DLC1: variants seen among roughly 807,000 people sequenced by gnomAD.
DLC1 encodes DLC1 Rho GTPase activating protein, also known as rho GTPase-activating protein 7.
In DLC1, 54 loss-of-function variants were observed where a neutral mutation model predicts 140.3. The observed-to-expected ratio is 0.38, with a 90% CI of 0.31 to 0.48. The LOEUF (loss-of-function observed/expected upper bound fraction) is 0.48, where lower values mean the gene tolerates loss of function less well. DLC1 is among the 20% of genes least tolerant of loss of function. The pLI is 0.96. For missense variants in DLC1, 2,536 were observed against 1,907.0 expected (o/e 1.33, Z -6.14); for synonymous variants, 986 against 728.1 (o/e 1.35, Z -5.70).
At chr8:13,169,406 C>T (rs1324977186) in intron 5 of DLC1, among the ~76,000 whole-genome samples, 1 of 152,060 alleles carries the variant, frequency 6.6e-6, no homozygotes, top group Non-Finnish European at 1.5e-5. Flanking sequence ...GGAAATAATT[C>T]CTATCTTGTA....
intron 1 of DLC1, among the ~76,000 whole-genome samples, chr8:13,597,470 G>A (rs62493215): frequency 0.17 from 25,206 of 151,800 alleles, 2,213 homozygotes; most frequent in African/African-American, 0.19. Context: ...ATACCATCTC[G>A]TTTCCTGAGC....
intron 1 of DLC1, among the ~76,000 whole-genome samples, chr8:13,510,171 C>CT (rs5889447): frequency 1.7e-4 from 23 of 133,052 alleles, no homozygotes; most frequent in African/African-American, 3.0e-4. Flanking sequence ...ATTCTTTATT[C>CT]TTTTTTTTTT....
At chr8:13,157,462 A>C (rs1221197155) in intron 5 of DLC1, among the ~76,000 whole-genome samples, 1 of 148,508 alleles carries the variant, frequency 6.7e-6, no homozygotes, top group Non-Finnish European at 1.5e-5. Context: ...GCAGGTGAGG[A>C]ACAAAAAAAG....
chr8:13,579,337 AT>A (rs1563453864), intron 1 of DLC1, among the ~76,000 whole-genome samples: 11 of 20,394 alleles, frequency 5.4e-4, no homozygotes, highest in African/African-American at 1.4e-3. Context: ...ATATATATAT[AT>A]ATATATATAT....
intron 5 of DLC1, among the ~76,000 whole-genome samples, chr8:13,282,011 T>A (rs1273240395): frequency 2.0e-5 from 3 of 152,178 alleles, no homozygotes; most frequent in Non-Finnish European, 4.4e-5. Context: ...GATCATTTAT[T>A]CTGGTTGAGA....
At chr8:13,212,336 C>T (rs1011764737) in intron 5 of DLC1, among the ~76,000 whole-genome samples, 1 of 152,134 alleles carries the variant, frequency 6.6e-6, no homozygotes, top group Non-Finnish European at 1.5e-5. Context: ...ATTTCAATGG[C>T]ACACTGCTTT....
In DLC1 at chr8:13,401,599, A is replaced by G. The variant is rs369202828; in HGVS notation, c.1044T>C (p.Asp348=). Residue 348 remains aspartate, a synonymous_variant, in exon 3 of 18, where the codon GAT becomes GAC. Coordinates refer to ENST00000276297, the MANE Select transcript of DLC1 (RefSeq NM_182643.3). ...GCACCATGGAGTCCAGCCGCGCCCT[A>G]TCTCGATCTTCTCTTATTTCCTGAG... ...RKRKEIREDR[D]RARLDSMVLL... is the part of the protein sequence containing the mutation. 25 of 1,613,328 alleles carry G rather than the reference A, an allele frequency of 1.5e-5. No individual in the cohort carries two copies. Among genetic ancestry groups the G allele is most frequent in the East Asian group, 4.5e-5 (2 of 44,880 alleles).
intron 4 of DLC1, among the ~76,000 whole-genome samples, chr8:13,348,994 T>C (rs1586181456): frequency 6.6e-6 from 1 of 151,986 alleles, no homozygotes; most frequent in Non-Finnish European, 1.5e-5. Flanking sequence ...CATAGGGAGA[T>C]GAAAAGAGAA....
intron 4 of DLC1, among the ~76,000 whole-genome samples, chr8:13,339,089 G>C (rs1164587210): frequency 6.6e-6 from 1 of 152,084 alleles, no homozygotes; most frequent in African/African-American, 2.4e-5. Context: ...CAGAATGATT[G>C]GTAATGAATT....
chr8:13,452,371 A>T (rs431657), intron 2 of DLC1, among the ~76,000 whole-genome samples: 61,279 of 151,890 alleles, frequency 0.4, 12,605 homozygotes, highest in Middle Eastern at 0.43. Flanking sequence ...GTAAAAAAGT[A>T]ACTCAATTTA....
At chr8:13,305,342 G>A (rs1189182584) in intron 4 of DLC1, 40 bp from the exon 5 acceptor site, 6 of 1,532,504 alleles carry the variant, frequency 3.9e-6, no homozygotes, top group Admixed American at 2.0e-5. Flanking sequence ...TTATTAGGAA[G>A]AAACATCAGA....
intron 2 of DLC1, among the ~76,000 whole-genome samples, chr8:13,434,285 G>C (rs1354721462): frequency 2.0e-5 from 3 of 152,226 alleles, no homozygotes; most frequent in South Asian, 2.1e-4. Context: ...GGAACAGTGA[G>C]TTCTAAACCA....
chr8:13,274,999 T>C (rs1831102630), intron 5 of DLC1, among the ~76,000 whole-genome samples: 1 of 152,238 alleles, frequency 6.6e-6, no homozygotes, highest in Non-Finnish European at 1.5e-5. Flanking sequence ...AAAAATCATA[T>C]TGGAAAGTCG....
intron 5 of DLC1, among the ~76,000 whole-genome samples, chr8:13,130,237 C>T (rs1821965555): frequency 6.6e-6 from 1 of 152,238 alleles, no homozygotes; most frequent in Non-Finnish European, 1.5e-5. Context: ...GAAACCACCT[C>T]TTGGAATCTC....
chr8:13,329,277 G>A (rs897842389), intron 4 of DLC1, among the ~76,000 whole-genome samples: 1 of 152,136 alleles, frequency 6.6e-6, no homozygotes, highest in African/African-American at 2.4e-5. Flanking sequence ...GTCCTATAGA[G>A]CTTTCCAATT....
intron 2 of DLC1, among the ~76,000 whole-genome samples, chr8:13,415,968 G>T (rs7834383): frequency 0.28 from 43,274 of 152,034 alleles, 6,589 homozygotes; most frequent in Non-Finnish European, 0.34. Context: ...CCAAAGTTAG[G>T]ATACAGCTTG....
chr8:13,292,480 G>A (rs1159710497), intron 5 of DLC1, among the ~76,000 whole-genome samples: 1 of 152,138 alleles, frequency 6.6e-6, no homozygotes, highest in African/African-American at 2.4e-5. Flanking sequence ...GATATAATAA[G>A]CCAGCTCTCC....
chr8:13,116,627 G>C (rs1820577797), intron 5 of DLC1, among the ~76,000 whole-genome samples: 1 of 152,148 alleles, frequency 6.6e-6, no homozygotes, highest in Admixed American at 6.5e-5. Context: ...CATATCAGAA[G>C]TGTAACACAT....
At position 13,414,797 on chromosome 8, in the gene DLC1, A is replaced by T. The variant is rs974422184; in HGVS notation, c.1024-13178T>A. 1.7e-3 allele frequency among the ~76,000 whole-genome samples: 264 copies of T among 151,850 alleles called. 2 individuals are homozygous for T. The highest frequency in any genetic ancestry group is 6.0e-3 in the African/African-American group (250 of 41,400). On this transcript the variant is annotated intron_variant, in intron 2 of 17. Coordinates refer to ENST00000276297, the MANE Select transcript of DLC1 (RefSeq NM_182643.3). ...TATCCTTATTTGACACGATGTTATC[A>T]TTTTTTTTGAGGTTTTTGAGGCTGG...
Sources: gnomAD v4.1 joint callset for allele counts (sites outside exome capture counted in the v4.1 genomes callset) on GRCh38, gnomAD v4.1.1 for gene constraint, MANE v1.5 for transcripts, NCBI Gene and HGNC (gene_info 2026-07-23, HGNC 2026-07-21) for gene names.